The following MRTFA variants were observed in gnomAD, a reference collection of about 807,000 sequenced individuals.
The protein encoded by MRTFA is myocardin-related transcription factor A.
Under a neutral mutation model 83.5 loss-of-function variants are expected in MRTFA, and 20 were observed. The observed-to-expected ratio is 0.24, with a 90% CI of 0.17 to 0.35. MRTFA has a LOEUF of 0.35. MRTFA is among the 10% of genes least tolerant of loss of function. The pLI is 1.00. For missense variants in MRTFA, 1,200 were observed against 1,224.7 expected, an observed-to-expected ratio of 0.98 and a Z score of 0.30; for synonymous variants, 659 against 541.2, an observed-to-expected ratio of 1.22 and a Z score of -3.02.
chr22:40,627,429 T>C (rs1348258302), intron 1 of MRTFA, among the ~76,000 whole-genome samples: 1 of 152,200 alleles, frequency 6.6e-6, no homozygotes, highest in African/African-American at 2.4e-5. Context: ...TTGGCAAGTA[T>C]TAATTGAGCA....
At chr22:40,438,342 T>C (rs17001907) in intron 4 of MRTFA, among the ~76,000 whole-genome samples, 18,340 of 152,202 alleles carry the variant, frequency 0.12, 1,297 homozygotes, top group East Asian at 0.25. Flanking sequence ...TTGATTCACT[T>C]ACAGGCCAGC....
At chr22:40,635,392 A>C (rs942641536) in intron 1 of MRTFA, among the ~76,000 whole-genome samples, 7 of 152,224 alleles carry the variant, frequency 4.6e-5, no homozygotes, top group Admixed American at 6.5e-5. Flanking sequence ...GACCCTGAAA[A>C]GATCTCAAAA....
intron 3 of MRTFA, among the ~76,000 whole-genome samples, chr22:40,474,990 C>CGTGGT (rs1226269863): frequency 6.6e-6 from 1 of 151,996 alleles, no homozygotes; most frequent in Non-Finnish European, 1.5e-5. Context: ...AGGTGTGTGC[C>CGTGGT]ACCACGCCTG....
intron 2 of MRTFA, among the ~76,000 whole-genome samples, chr22:40,571,477 A>G (rs531641634): frequency 6.6e-6 from 1 of 152,262 alleles, no homozygotes; most frequent in East Asian, 1.9e-4. Flanking sequence ...GGATAATATC[A>G]AGAGGTGAAA....
At chr22:40,418,167 C>T (rs1041926374) in intron 12 of MRTFA, among the ~76,000 whole-genome samples, 1 of 152,218 alleles carries the variant, frequency 6.6e-6, no homozygotes, top group Non-Finnish European at 1.5e-5. Context: ...AGGTGGGGAG[C>T]TCACCAATGG....
At chr22:40,554,399 T>C (rs896679044) in intron 2 of MRTFA, among the ~76,000 whole-genome samples, 12 of 152,282 alleles carry the variant, frequency 7.9e-5, no homozygotes, top group African/African-American at 2.6e-4. Context: ...TGGGAGGTAA[T>C]TGAATAATGG....
At chr22:40,441,307 G>C (rs544824776) in intron 4 of MRTFA, among the ~76,000 whole-genome samples, 1 of 152,264 alleles carries the variant, frequency 6.6e-6, no homozygotes, top group South Asian at 2.1e-4. Flanking sequence ...CTTAATCACA[G>C]TTTCAGTTCT....
At chr22:40,541,317 T>C (rs537377219) in intron 3 of MRTFA, among the ~76,000 whole-genome samples, 39 of 152,350 alleles carry the variant, frequency 2.6e-4, no homozygotes, top group Admixed American at 2.0e-3. Flanking sequence ...CACAGAAATG[T>C]AATCCAGTTT....
At chr22:40,537,041 A>T in intron 3 of MRTFA, among the ~76,000 whole-genome samples, 1 of 24,588 alleles carries the variant, frequency 4.1e-5, no homozygotes, top group Non-Finnish European at 7.6e-5. Context: ...CCGCCCGGCC[A>T]GCCGCCCCGT....
chr22:40,598,843 T>A (rs1351690307), intron 1 of MRTFA, among the ~76,000 whole-genome samples: 8 of 140,500 alleles, frequency 5.7e-5, no homozygotes, highest in South Asian at 4.5e-4. Flanking sequence ...AAAAAAAAAA[T>A]AGCCAGGTGT....
intron 7 of MRTFA, among the ~76,000 whole-genome samples, chr22:40,424,655 G>A (rs768811621): frequency 1.6e-4 from 24 of 152,208 alleles, no homozygotes; most frequent in African/African-American, 2.4e-5. Context: ...CCTCTTGCTT[G>A]TAACTCTATA....
intron 4 of MRTFA, among the ~76,000 whole-genome samples, chr22:40,455,388 T>C (rs1480176161): frequency 6.6e-6 from 1 of 152,012 alleles, no homozygotes; most frequent in East Asian, 1.9e-4. Context: ...GGCTCACACC[T>C]GTAATCCCAG....
At chr22:40,539,971 G>A (rs999788339) in intron 3 of MRTFA, among the ~76,000 whole-genome samples, 1 of 144,388 alleles carries the variant, frequency 6.9e-6, no homozygotes, top group African/African-American at 2.6e-5. Context: ...GTACAGTGGA[G>A]TGATCTCAGC....
At chr22:40,474,510 C>T (rs1364292715) in intron 3 of MRTFA, among the ~76,000 whole-genome samples, 1 of 152,208 alleles carries the variant, frequency 6.6e-6, no homozygotes, top group Admixed American at 6.5e-5. Flanking sequence ...TGCTTGGATG[C>T]TCTAGAGTTC....
intron 3 of MRTFA, among the ~76,000 whole-genome samples, chr22:40,464,688 C>T (rs1012242846): frequency 6.6e-6 from 1 of 152,058 alleles, no homozygotes; most frequent in African/African-American, 2.4e-5. Context: ...TTTCTATCCA[C>T]AGAGTAGCTT....
intron 9 of MRTFA, 120 bp from the exon 10 acceptor site, chr22:40,421,220 C>A: frequency 2.6e-6 from 3 of 1,162,332 alleles, no homozygotes; most frequent in South Asian, 1.7e-5. Flanking sequence ...ACACTTTGCC[C>A]ATTTCCACTC....
At chr22:40,604,412 G>T (rs1186202505) in intron 1 of MRTFA, among the ~76,000 whole-genome samples, 1 of 151,630 alleles carries the variant, frequency 6.6e-6, no homozygotes, top group Non-Finnish European at 1.5e-5. Flanking sequence ...TTACAGGCGT[G>T]AGCCACCGTA....
intron 1 of MRTFA, among the ~76,000 whole-genome samples, chr22:40,622,833 T>C (rs1432667432): frequency 6.6e-6 from 1 of 152,210 alleles, no homozygotes; most frequent in Non-Finnish European, 1.5e-5. Context: ...AGTAATTTCT[T>C]ACAGCAGTCA....
chr22:40,494,857 T>C (rs1227697646), intron 3 of MRTFA, among the ~76,000 whole-genome samples: 1 of 152,100 alleles, frequency 6.6e-6, no homozygotes, highest in Non-Finnish European at 1.5e-5. Context: ...AGATCAGTGA[T>C]TGCCAAGGGC....
Sources: allele counts gnomAD v4.1 joint callset (sites outside exome capture counted in the v4.1 genomes callset), GRCh38; gene constraint gnomAD v4.1.1; transcripts MANE v1.5; gene names NCBI Gene and HGNC (gene_info 2026-07-23, HGNC 2026-07-21).